Variants in PRKCQ observed in about 807,000 individuals in gnomAD.
PRKCQ encodes protein kinase C theta, also known as protein kinase C theta type.
A neutral mutation model predicts 91.2 loss-of-function variants in PRKCQ; 41 were observed. The ratio of observed to expected loss-of-function variants is 0.45; its 90% CI spans 0.35 to 0.58. The LOEUF (loss-of-function observed/expected upper bound fraction) is 0.58. PRKCQ is among the 20% of genes least tolerant of loss of function. The pLI, the probability that PRKCQ is intolerant of heterozygous loss-of-function variation, is 0.00. For missense variants in PRKCQ, 673 were observed against 896.5 expected (o/e 0.75, Z 3.18); for synonymous variants, 307 against 316.9 (o/e 0.97, Z 0.33).
chr10:6,432,384 C>CT (rs199992931), intron 16 of PRKCQ, among the ~76,000 whole-genome samples: 1 of 152,132 alleles, frequency 6.6e-6, no homozygotes, highest in Non-Finnish European at 1.5e-5. Context: ...AGTTTTTTCG[C>CT]TTTTTTAAAA....
chr10:6,507,996 CT>C (rs1389386912), intron 3 of PRKCQ, among the ~76,000 whole-genome samples: 1 of 152,158 alleles, frequency 6.6e-6, no homozygotes, highest in African/African-American at 2.4e-5. Context: ...ATGGGGATGG[CT>C]TTTCTCTTTC....
At chr10:6,529,480 C>T (rs534890180) in intron 1 of PRKCQ, among the ~76,000 whole-genome samples, 7 of 152,198 alleles carry the variant, frequency 4.6e-5, no homozygotes, top group Admixed American at 1.3e-4. Context: ...AAAACAGGGG[C>T]GTCAAGTTGG....
intron 1 of PRKCQ, among the ~76,000 whole-genome samples, chr10:6,527,411 C>A (rs964698087): frequency 6.6e-6 from 1 of 152,086 alleles, no homozygotes; most frequent in African/African-American, 2.4e-5. Context: ...CATCACTTAC[C>A]GAGCAGTTGC....
At chr10:6,420,262 C>T in the PRKCQ span, among the ~76,000 whole-genome samples, 1 of 152,186 alleles carries the variant, frequency 6.6e-6, no homozygotes, top group Non-Finnish European at 1.5e-5. Flanking sequence ...CCTTTTAATA[C>T]ACTTAAACAC....
At chr10:6,550,048 A>G (rs1196677341) in intron 1 of PRKCQ, among the ~76,000 whole-genome samples, 1 of 152,144 alleles carries the variant, frequency 6.6e-6, no homozygotes, top group African/African-American at 2.4e-5. Context: ...TTCTGCACCC[A>G]TTAAACAATA....
Position 6,491,671 on chromosome 10 carries a change from C to T in PRKCQ, c.790+12G>A, listed in dbSNP as rs1396443718. On this transcript the variant is annotated intron_variant, in intron 8 of 17. Coordinates refer to ENST00000263125, the MANE Select transcript of PRKCQ (RefSeq NM_006257.5). ...TCCACGTCGGGCCATGCTCATCCCCCACTGGACTCACCATCACACTTGAGT... is the reference window on the plus strand; with the variant it reads ...TCCACGTCGGGCCATGCTCATCCCCTACTGGACTCACCATCACACTTGAGT... 1.9e-6 allele frequency: 3 copies of T among 1,613,964 alleles called. No individual in the cohort carries two copies. Among genetic ancestry groups the T allele is most frequent in the African/African-American group, 1.3e-5 (1 of 74,938 alleles).
chr10:6,467,581 T>C (rs797001308), intron 12 of PRKCQ, among the ~76,000 whole-genome samples: 11 of 152,242 alleles, frequency 7.2e-5, no homozygotes, highest in African/African-American at 2.6e-4. Context: ...GAAGCTGTGA[T>C]GGCATTGGGG....
intron 4 of PRKCQ, among the ~76,000 whole-genome samples, chr10:6,503,047 G>A (rs1838004820): frequency 6.6e-6 from 1 of 152,152 alleles, no homozygotes; most frequent in East Asian, 1.9e-4. Context: ...AAGCCGGGGA[G>A]AATGAGAGGG....
intron 1 of PRKCQ, among the ~76,000 whole-genome samples, chr10:6,578,335 A>G (rs984703914): frequency 6.6e-6 from 1 of 152,260 alleles, no homozygotes; most frequent in Non-Finnish European, 1.5e-5. Flanking sequence ...CCGAGGCACC[A>G]CAGCACAAGA....
At chr10:6,565,509 T>G (rs1388594191) in intron 1 of PRKCQ, among the ~76,000 whole-genome samples, 1 of 152,236 alleles carries the variant, frequency 6.6e-6, no homozygotes, top group East Asian at 1.9e-4. Flanking sequence ...TATTCATTTC[T>G]AAAAGGAAGT....
the PRKCQ span, among the ~76,000 whole-genome samples, chr10:6,396,319 A>C: frequency 6.6e-6 from 1 of 152,196 alleles, no homozygotes. Flanking sequence ...ACCCTTTTAA[A>C]GTATACAATT....
chr10:6,480,143 C>T (rs752807621), intron 11 of PRKCQ, among the ~76,000 whole-genome samples: 5 of 151,942 alleles, frequency 3.3e-5, no homozygotes, highest in African/African-American at 4.8e-5. Flanking sequence ...CACTTGATTT[C>T]GTGGCTCTCG....
At position 6,535,785 on chromosome 10, in the gene PRKCQ, C is replaced by A. The variant is rs750074497; in HGVS notation, c.-9-20641G>T. 2.0e-5 allele frequency among the ~76,000 whole-genome samples: 3 copies of A among 152,264 alleles called. No homozygotes were observed. In the South Asian group the frequency reaches 6.2e-4, roughly 32 times the overall value. On this transcript the variant is annotated intron_variant, in intron 1 of 17. Coordinates refer to ENST00000263125, the MANE Select transcript of PRKCQ (RefSeq NM_006257.5). ...GAGATCCATCAAAGCGGACAGATCC[C>A]GATTACAGTCCCCTGCTCTTCCCAA...
intron 15 of PRKCQ, among the ~76,000 whole-genome samples, chr10:6,452,500 AG>A (rs1385812945): frequency 3.3e-5 from 5 of 151,756 alleles, no homozygotes; most frequent in Non-Finnish European, 7.4e-5. Context: ...ATACTGCCCA[AG>A]GTAATTTATA....
chr10:6,438,558 C>T (rs1588655271), intron 16 of PRKCQ, among the ~76,000 whole-genome samples: 2 of 152,174 alleles, frequency 1.3e-5, no homozygotes, highest in East Asian at 1.9e-4. Flanking sequence ...TTCCAAAACA[C>T]CTGCATTCTT....
At chr10:6,572,732 C>T (rs1203439448) in intron 1 of PRKCQ, among the ~76,000 whole-genome samples, 4 of 151,908 alleles carry the variant, frequency 2.6e-5, no homozygotes, top group Non-Finnish European at 5.9e-5. Flanking sequence ...GTTTATATTC[C>T]TTTGGATATA....
chr10:6,502,292 G>A (rs1213366976), intron 4 of PRKCQ, among the ~76,000 whole-genome samples: 2 of 152,200 alleles, frequency 1.3e-5, no homozygotes, highest in Non-Finnish European at 2.9e-5. Flanking sequence ...GAAACGTCCT[G>A]GCAGAAATGT....
At chr10:6,395,567 TC>T in the PRKCQ span, among the ~76,000 whole-genome samples, 1 of 152,132 alleles carries the variant, frequency 6.6e-6, no homozygotes, top group African/African-American at 2.4e-5. Flanking sequence ...ATTGCGTGAC[TC>T]CTAAACCATA....
At chr10:6,577,866 T>C (rs992502008) in intron 1 of PRKCQ, among the ~76,000 whole-genome samples, 13 of 152,226 alleles carry the variant, frequency 8.5e-5, no homozygotes, top group African/African-American at 2.9e-4. Flanking sequence ...GATTTGTCTG[T>C]GTAGGTCTAC....
Sources: gnomAD v4.1 joint callset for allele counts (sites outside exome capture counted in the v4.1 genomes callset) on GRCh38, gnomAD v4.1.1 for gene constraint, MANE v1.5 for transcripts, NCBI Gene and HGNC (gene_info 2026-07-23, HGNC 2026-07-21) for gene names.